Variants in PRKN observed in about 807,000 individuals in gnomAD.
PRKN encodes E3 ubiquitin-protein ligase parkin.
PRKN carries 56 observed loss-of-function variants against 59.5 expected under a neutral mutation model. The ratio of observed to expected loss-of-function variants is 0.94; its 90% CI spans 0.76 to 1.18. The LOEUF is 1.18. Ranked by LOEUF, PRKN falls within the 50% of genes most tolerant of loss-of-function variation. The pLI is 0.00. For synonymous variants in PRKN, 250 were observed against 222.1 expected (o/e 1.13, Z -1.12); for missense variants, 657 against 596.4 (o/e 1.10, Z -1.06).
At chr6:162,568,055 A>T (rs531325511) in intron 1 of PRKN, among the ~76,000 whole-genome samples, 2 of 152,328 alleles carry the variant, frequency 1.3e-5, no homozygotes, top group South Asian at 4.1e-4. Flanking sequence ...AAGACAGGAT[A>T]TCAATAGGCA....
At chr6:162,098,491 T>G (rs947121447) in intron 4 of PRKN, among the ~76,000 whole-genome samples, 1 of 152,188 alleles carries the variant, frequency 6.6e-6, no homozygotes, top group South Asian at 2.1e-4. Context: ...CTAAGCTATT[T>G]GGACACTAAG....
At chr6:162,214,784 T>C (rs1366475047) in intron 3 of PRKN, among the ~76,000 whole-genome samples, 2 of 152,208 alleles carry the variant, frequency 1.3e-5, no homozygotes, top group African/African-American at 4.8e-5. Flanking sequence ...TGGTATCTTA[T>C]GATGTCCCTC....
rs1267224868 is a variant in PRKN, at chr6:161,458,436, G to A, written c.1084-71559C>T. On this transcript the variant is annotated intron_variant, in intron 9 of 11. Coordinates refer to ENST00000366898, the MANE Select transcript of PRKN (RefSeq NM_004562.3). The surrounding 1 kb of genome is among the most constrained non-coding windows in gnomAD (Gnocchi z 6.1). ...CAGCTCCCTGGCCCTCGCCGCGGTG[G>A]AGGCAGCCGTCTGTCTACCTCCTGC... Among the ~76,000 whole-genome samples, 2 of 152,128 alleles carry A rather than the reference G, an allele frequency of 1.3e-5. No individual in the cohort carries two copies. The highest frequency in any genetic ancestry group is 4.8e-5 in the African/African-American group (2 of 41,422).
At chr6:161,738,399 G>A (rs961319748) in intron 7 of PRKN, among the ~76,000 whole-genome samples, 5 of 152,138 alleles carry the variant, frequency 3.3e-5, no homozygotes, top group South Asian at 2.1e-4. Context: ...CACATTTCAT[G>A]TCCTCTATCT....
intron 2 of PRKN, among the ~76,000 whole-genome samples, chr6:162,279,296 C>T (rs1780774492): frequency 6.6e-6 from 1 of 150,900 alleles, no homozygotes; most frequent in African/African-American, 2.4e-5. Flanking sequence ...TGACATTGCA[C>T]CATTGCACTC....
intron 1 of PRKN, among the ~76,000 whole-genome samples, chr6:162,487,312 C>A (rs1034590617): frequency 6.6e-6 from 1 of 152,034 alleles, no homozygotes; most frequent in Non-Finnish European, 1.5e-5. Flanking sequence ...CGGAGGCTGG[C>A]AAGACTTTGT....
At chr6:161,836,912 TG>T (rs1337351577) in intron 6 of PRKN, among the ~76,000 whole-genome samples, 1 of 152,176 alleles carries the variant, frequency 6.6e-6, no homozygotes, top group African/African-American at 2.4e-5. Flanking sequence ...GCAGCACCTG[TG>T]AAGCTGATAA....
rs530477715 is a variant in PRKN at position 162,514,686 on chromosome 6, T to C, written c.8-71213A>G. On this transcript the variant is annotated intron_variant, in intron 1 of 11. Transcript: ENST00000366898. ...GGTTCATGCCTATAATCCCAGCACT[T>C]TGGGAGGCCAAGATGGGAGGATCAC... Among the ~76,000 whole-genome samples, 26 of 152,262 alleles carry C rather than the reference T, an allele frequency of 1.7e-4. No individual in the cohort carries two copies. The South Asian group carries it at 5.2e-3, about 30-fold the overall frequency.
At chr6:161,716,708 C>T (rs1786997887) in intron 7 of PRKN, among the ~76,000 whole-genome samples, 1 of 152,238 alleles carries the variant, frequency 6.6e-6, no homozygotes, top group South Asian at 2.1e-4. Flanking sequence ...ATCTATTAGA[C>T]CAACAATGGT....
At position 161,459,628 on chromosome 6, in the gene PRKN, G is replaced by A. The variant is rs1790116930; in HGVS notation, c.1084-72751C>T. 6.6e-6 allele frequency among the ~76,000 whole-genome samples: 1 copy of A among 152,118 alleles called. No homozygotes were observed. The highest frequency in any genetic ancestry group is 2.4e-5 in the African/African-American group (1 of 41,424). ...GAGATCCATCCTGCTGTCAGCCCTA[G>A]AACTCCCTCACAAGCAAGCTATTTT... is the stretch of plus-strand genomic sequence containing the variant. On this transcript the variant is annotated intron_variant, in intron 9 of 11. Coordinates refer to ENST00000366898, the MANE Select transcript of PRKN (RefSeq NM_004562.3). This position sits in a 1 kb window ranked among gnomAD's most constrained non-coding sequence, Gnocchi z 4.8.
At chr6:161,861,732 T>C (rs2128224751) in intron 6 of PRKN, among the ~76,000 whole-genome samples, 1 of 152,284 alleles carries the variant, frequency 6.6e-6, no homozygotes, top group East Asian at 1.9e-4. Flanking sequence ...CAATCTGTTT[T>C]TTCCATTCAA....
chr6:162,579,538 C>T (rs986108454), intron 1 of PRKN, among the ~76,000 whole-genome samples: 22 of 152,022 alleles, frequency 1.4e-4, no homozygotes, highest in African/African-American at 4.6e-4. Context: ...TTCTCATACA[C>T]ACTTTCACAC....
At chr6:162,598,246 A>C (rs1781564901) in intron 1 of PRKN, among the ~76,000 whole-genome samples, 1 of 152,200 alleles carries the variant, frequency 6.6e-6, no homozygotes, top group Admixed American at 6.5e-5. Flanking sequence ...CCCTTCAGGA[A>C]AAAATAGGCT....
Position 162,394,410 on chromosome 6 carries a change from A to G in PRKN, c.171+48900T>C, listed in dbSNP as rs182848933. ...TATCATGGCGTTCCTACCAACTCAAACATTTTTAAGGTTAACTGAGTACTC... is the reference window on the plus strand; with the variant it reads ...TATCATGGCGTTCCTACCAACTCAAGCATTTTTAAGGTTAACTGAGTACTC... On this transcript the variant is annotated intron_variant, in intron 2 of 11. Coordinates refer to ENST00000366898, the MANE Select transcript of PRKN (RefSeq NM_004562.3). Among the ~76,000 whole-genome samples, 436 of 152,224 alleles carry G rather than the reference A, an allele frequency of 2.9e-3. 1 individual carries two copies. Among genetic ancestry groups the G allele is most frequent in the Middle Eastern group, 0.024 (7 of 294 alleles).
chr6:161,519,861 A>G (rs1252888158), intron 9 of PRKN, among the ~76,000 whole-genome samples: 1 of 150,346 alleles, frequency 6.7e-6, no homozygotes, highest in African/African-American at 2.5e-5. Context: ...GCCCACACCC[A>G]GGACCAGAAG....
chr6:161,656,236 C>T (rs1207634699), intron 7 of PRKN, among the ~76,000 whole-genome samples: 9 of 152,208 alleles, frequency 5.9e-5, no homozygotes, highest in South Asian at 4.1e-4. Context: ...AGTCAGCGCT[C>T]GGGCCCCTGC....
intron 4 of PRKN, among the ~76,000 whole-genome samples, chr6:162,084,540 T>C (rs1267404092): frequency 6.6e-6 from 1 of 152,058 alleles, no homozygotes; most frequent in African/African-American, 2.4e-5. Flanking sequence ...CTTATAGGAG[T>C]CTTCAAAAAT....
chr6:162,531,602 G>C (rs1224940755), intron 1 of PRKN, among the ~76,000 whole-genome samples: 2 of 152,000 alleles, frequency 1.3e-5, no homozygotes, highest in Non-Finnish European at 2.9e-5. Context: ...TAATCCATCT[G>C]GGTGGGGCCA....
At chr6:162,512,937 C>A (rs953698796) in intron 1 of PRKN, among the ~76,000 whole-genome samples, 1 of 152,114 alleles carries the variant, frequency 6.6e-6, no homozygotes, top group Non-Finnish European at 1.5e-5. Flanking sequence ...GTTGGTCAGA[C>A]GTAATCTTTG....
Sources: gnomAD v4.1 joint callset for allele counts (sites outside exome capture counted in the v4.1 genomes callset) on GRCh38, gnomAD v4.1.1 for gene constraint, Gnocchi (gnomAD v3.1) non-coding constraint, MANE v1.5 for transcripts, NCBI Gene and HGNC (gene_info 2026-07-23, HGNC 2026-07-21) for gene names.